GRB14: variants seen among roughly 807,000 people sequenced by gnomAD.
GRB14 encodes the protein growth factor receptor bound protein 14.
Under a neutral mutation model 69.1 loss-of-function variants are expected in GRB14, and 38 were observed. The ratio of observed to expected loss-of-function variants is 0.55; its 90% CI spans 0.42 to 0.72. GRB14 has a LOEUF of 0.72. Among genes scored for constraint, GRB14 ranks in the 30% least tolerant of loss-of-function variants. The pLI is 0.00. For synonymous variants in GRB14, 247 were observed against 241.3 expected, an observed-to-expected ratio of 1.02 and a Z score of -0.22; for missense variants, 666 against 666.1, an observed-to-expected ratio of 1.00 and a Z score of 0.00.
intron 3 of GRB14, among the ~76,000 whole-genome samples, chr2:164,536,214 A>T (rs866644541): frequency 1.3e-5 from 2 of 152,102 alleles, no homozygotes; most frequent in Non-Finnish European, 2.9e-5. Flanking sequence ...TTTGTCTTAG[A>T]CCCTGGGTTA....
At chr2:164,544,834 C>T (rs540929510) in intron 3 of GRB14, among the ~76,000 whole-genome samples, 139 of 152,314 alleles carry the variant, frequency 9.1e-4, no homozygotes, top group Middle Eastern at 3.4e-3. Flanking sequence ...TGTCCTAGGA[C>T]ACCAGTTGTC....
chr2:164,567,049 T>C (rs1688993670), intron 2 of GRB14, among the ~76,000 whole-genome samples: 1 of 152,156 alleles, frequency 6.6e-6, no homozygotes, highest in Admixed American at 6.5e-5. Flanking sequence ...AACATAGACT[T>C]GATAAATGTT....
At chr2:164,582,725 C>T (rs1689445206) in intron 2 of GRB14, among the ~76,000 whole-genome samples, 1 of 152,256 alleles carries the variant, frequency 6.6e-6, no homozygotes, top group South Asian at 2.1e-4. Context: ...GGCCTATTTT[C>T]AGCTCTTACA....
intron 8 of GRB14, among the ~76,000 whole-genome samples, chr2:164,505,142 A>C (rs1293900690): frequency 2.6e-5 from 4 of 152,158 alleles, no homozygotes; most frequent in Admixed American, 2.0e-4. Flanking sequence ...TTAAGTCACT[A>C]CCCTGGTGGT....
At chr2:164,542,497 A>C (rs1296450943) in intron 3 of GRB14, among the ~76,000 whole-genome samples, 1 of 152,220 alleles carries the variant, frequency 6.6e-6, no homozygotes, top group African/African-American at 2.4e-5. Context: ...TTTGCAAACT[A>C]TGCATCCAAC....
chr2:164,522,136 A>G lies in GRB14; in HGVS notation c.679-19T>C. The G allele has an allele frequency of 7.0e-7, 1 of 1,426,376 alleles. No individual in the cohort carries two copies. The highest frequency in any genetic ancestry group is 9.7e-7 in the Non-Finnish European group (1 of 1,029,004). The allele number at this position is 1,426,376 out of a possible 1,614,324, so 88.4% of individuals were successfully genotyped here. ...GAAACATCTGAAAGAAAATTTATAT[A>G]TTTTCAAACTATGATTAAATCAATG... On this transcript the variant is annotated intron_variant, in intron 5 of 13. Coordinates refer to ENST00000263915, the MANE Select transcript of GRB14 (RefSeq NM_004490.3).
chr2:164,588,175 T>C (rs1559063364), intron 2 of GRB14, among the ~76,000 whole-genome samples: 1 of 152,220 alleles, frequency 6.6e-6, no homozygotes, highest in African/African-American at 2.4e-5. Flanking sequence ...CTTTAAAATA[T>C]TATGTCACAT....
intron 2 of GRB14, among the ~76,000 whole-genome samples, chr2:164,604,867 G>A (rs1690007313): frequency 6.6e-6 from 1 of 152,158 alleles, no homozygotes; most frequent in South Asian, 2.1e-4. Context: ...ACGGAGAAGA[G>A]AATGGAGAAT....
chr2:164,589,916 C>A (rs1384674917), intron 2 of GRB14, among the ~76,000 whole-genome samples: 2 of 152,046 alleles, frequency 1.3e-5, no homozygotes, highest in African/African-American at 4.8e-5. Flanking sequence ...CTGGTGAGAA[C>A]CCTCATCTGG....
intron 2 of GRB14, among the ~76,000 whole-genome samples, chr2:164,577,158 T>C (rs765214583): frequency 1.3e-5 from 2 of 152,242 alleles, no homozygotes; most frequent in African/African-American, 2.4e-5. Flanking sequence ...CTAGACGGTT[T>C]GATTTACAAA....
At position 164,619,764 on chromosome 2, in the gene GRB14, G is replaced by GA; in HGVS notation, c.246dup (p.Pro83SerfsTer2). 2 of 1,610,836 alleles carry GA rather than the reference G, an allele frequency of 1.2e-6. No homozygotes were observed. Among genetic ancestry groups the GA allele is most frequent in the Non-Finnish European group, 1.7e-6 (2 of 1,177,790 alleles). On this transcript the variant is annotated frameshift_variant, in exon 2 of 14. Coordinates refer to ENST00000263915, the MANE Select transcript of GRB14 (RefSeq NM_004490.3). LOFTEE classifies it high-confidence loss of function. Reference sequence around the variant, plus strand: ...GTAAATGGAGAACAGCATAGCTCAGGAAAAGGGTTTGGAATAGATGGCATT... The same window carrying GA: ...GTAAATGGAGAACAGCATAGCTCAGGAAAAAGGGTTTGGAATAGATGGCATT...
chr2:164,617,982 C>T (rs1331589967), intron 2 of GRB14, among the ~76,000 whole-genome samples: 4 of 123,172 alleles, frequency 3.2e-5, no homozygotes, highest in Admixed American at 1.9e-4. Context: ...GTAGTGTCAG[C>T]GGGGGACAGA....
chr2:164,496,925 CTT>C, intron 12 of GRB14, 81 bp downstream of exon 12: 2 of 1,085,308 alleles, frequency 1.8e-6, no homozygotes, highest in Admixed American at 1.8e-5. Context: ...ATCAAGAACT[CTT>C]TGTGGCTATG....
chr2:164,595,112 G>A (rs1288742870), intron 2 of GRB14, among the ~76,000 whole-genome samples: 2 of 152,150 alleles, frequency 1.3e-5, no homozygotes, highest in African/African-American at 4.8e-5. Context: ...TAAATCAAAG[G>A]AAGAATAAAA....
chr2:164,542,119 A>G (rs1688255987), intron 3 of GRB14, among the ~76,000 whole-genome samples: 1 of 152,228 alleles, frequency 6.6e-6, no homozygotes, highest in African/African-American at 2.4e-5. Context: ...CCAGAAATAA[A>G]GCCATACTCC....
In GRB14 at chr2:164,527,083, C is replaced by G. The variant is rs963196285; in HGVS notation, c.534G>C (p.Gly178=). 2 of 1,586,576 alleles carry G rather than the reference C, an allele frequency of 1.3e-6. No homozygotes were observed. Among genetic ancestry groups the G allele is most frequent in the Non-Finnish European group, 1.7e-6 (2 of 1,158,634 alleles). The part of the protein sequence containing the change: ...ELVIEVLSNW[G]IEEENKLYFR... Reference sequence around the variant, plus strand: ...AGTATAGTTTGTTTTCTTCTTCTATCCCCCAGTTGGATAGCACTTCAATCA... The same window carrying G: ...AGTATAGTTTGTTTTCTTCTTCTATGCCCCAGTTGGATAGCACTTCAATCA... The change falls in exon 4 of 14, where the codon GGG becomes GGC. Residue 178 remains glycine, a synonymous_variant. Transcript: ENST00000263915.
At chr2:164,498,734 T>G (rs918803296) in intron 9 of GRB14, among the ~76,000 whole-genome samples, 1 of 152,190 alleles carries the variant, frequency 6.6e-6, no homozygotes, top group Non-Finnish European at 1.5e-5. Flanking sequence ...TATAGTCAAA[T>G]GTAGGCTTCA....
chr2:164,505,366 T>C (rs1402839501), intron 8 of GRB14, among the ~76,000 whole-genome samples: 1 of 152,214 alleles, frequency 6.6e-6, no homozygotes, highest in African/African-American at 2.4e-5. Context: ...TTAACATCTA[T>C]AAATTCAACT....
chr2:164,555,376 GAGAGA>G (rs1401802861), intron 2 of GRB14, among the ~76,000 whole-genome samples: 1 of 152,106 alleles, frequency 6.6e-6, no homozygotes, highest in Non-Finnish European at 1.5e-5. Context: ...TTCAAGAATA[GAGAGA>G]AGAGAAATCA....
Sources: allele counts gnomAD v4.1 joint callset (sites outside exome capture counted in the v4.1 genomes callset), GRCh38; gene constraint gnomAD v4.1.1; transcripts MANE v1.5; gene names NCBI Gene and HGNC (gene_info 2026-07-23, HGNC 2026-07-21).